Variants in KIF1B observed in about 807,000 individuals in gnomAD.
The protein encoded by KIF1B is kinesin-like protein KIF1B.
Under a neutral mutation model 241.9 loss-of-function variants are expected in KIF1B, and 76 were observed. The observed-to-expected ratio is 0.31, with a 90% CI of 0.26 to 0.38. The LOEUF (loss-of-function observed/expected upper bound fraction) is 0.38, where lower values mean the gene tolerates loss of function less well. Among genes scored for constraint, KIF1B ranks in the 10% least tolerant of loss-of-function variants. The pLI is 1.00. For synonymous variants in KIF1B, 750 were observed against 796.7 expected, an observed-to-expected ratio of 0.94 and a Z score of 0.99; for missense variants, 1,622 against 2,271.4, an observed-to-expected ratio of 0.71 and a Z score of 5.81.
intron 13 of KIF1B, among the ~76,000 whole-genome samples, 200 bp downstream of exon 13, chr1:10,278,328 T>C (rs1649227647): frequency 6.6e-6 from 1 of 152,240 alleles, no homozygotes; most frequent in African/African-American, 2.4e-5. Context: ...ATGTAATGTG[T>C]ACCAGACTAT....
intron 1 of KIF1B, among the ~76,000 whole-genome samples, chr1:10,214,605 T>C (rs1411303802): frequency 5.9e-5 from 8 of 136,440 alleles, no homozygotes; most frequent in African/African-American, 2.0e-4. Context: ...TTTTTTGGGA[T>C]GGAGTCTTAC....
intron 41 of KIF1B, 103 bp from the exon 42 acceptor site, chr1:10,364,997 C>T (rs1223734927): frequency 1.4e-5 from 14 of 1,018,384 alleles, no homozygotes; most frequent in Non-Finnish European, 2.0e-5. Flanking sequence ...CAGAGCGAGA[C>T]TCCATCTCAA....
intron 2 of KIF1B, among the ~76,000 whole-genome samples, chr1:10,240,990 T>C (rs1194920516): frequency 6.6e-6 from 1 of 152,162 alleles, no homozygotes; most frequent in Non-Finnish European, 1.5e-5. Flanking sequence ...GGTTCTTCAT[T>C]TATTGAGTGG....
intron 31 of KIF1B, among the ~76,000 whole-genome samples, chr1:10,338,377 A>G (rs1272504151): frequency 6.6e-6 from 1 of 152,216 alleles, no homozygotes; most frequent in East Asian, 1.9e-4. Flanking sequence ...ATTAAATGTG[A>G]TCACTATATA....
intron 1 of KIF1B, among the ~76,000 whole-genome samples, chr1:10,217,607 G>A (rs759025976): frequency 1.5e-4 from 23 of 151,838 alleles, no homozygotes; most frequent in Non-Finnish European, 2.5e-4. Context: ...GTGAGCCACC[G>A]CACCCAGCTG....
At chr1:10,228,369 A>G (rs1646937089) in intron 1 of KIF1B, among the ~76,000 whole-genome samples, 1 of 152,194 alleles carries the variant, frequency 6.6e-6, no homozygotes, top group South Asian at 2.1e-4. Flanking sequence ...TTTTTAAAAA[A>G]AAAAGTATCG....
rs1414615782 is a variant in KIF1B at position 10,374,223 on chromosome 1, A to G, written c.4947-93A>G. The G allele has an allele frequency of 6.6e-6, 9 of 1,357,840 alleles. No homozygotes were observed. Among genetic ancestry groups the G allele is most frequent in the Non-Finnish European group, 9.5e-6 (9 of 948,394 alleles). 84.1% of individuals were successfully genotyped at this position (1,357,840 alleles called of 1,614,324 possible). A position where few individuals can be genotyped will look rare whatever the true frequency, so the allele number is the denominator to read the frequency against. On this transcript the variant is annotated intron_variant, in intron 45 of 48. Coordinates refer to ENST00000676179, the MANE Select transcript of KIF1B (RefSeq NM_001365951.3). The surrounding 1 kb of genome is among the most constrained non-coding windows in gnomAD (Gnocchi z 4.3). Reference sequence around the variant, plus strand: ...TTGCAGCTGGGGTTTAGGGAGGGCCATTGTGTTCCTCCCAGTGAAACAGTA... The same window carrying G: ...TTGCAGCTGGGGTTTAGGGAGGGCCGTTGTGTTCCTCCCAGTGAAACAGTA...
chr1:10,304,105 C>A (rs1209923920), intron 22 of KIF1B: 1 of 1,614,086 alleles, frequency 6.2e-7, no homozygotes, highest in African/African-American at 1.3e-5. Context: ...CTCTTGGAGT[C>A]CTGGGACACA....
At chr1:10,271,165 A>G (rs754030649) in intron 7 of KIF1B, among the ~76,000 whole-genome samples, 1 of 150,610 alleles carries the variant, frequency 6.6e-6, no homozygotes, top group Non-Finnish European at 1.5e-5. Flanking sequence ...AATTTTGTGC[A>G]TGCTCTTTTT....
chr1:10,212,909 T>C (rs1385557374), intron 1 of KIF1B, among the ~76,000 whole-genome samples: 8 of 120,272 alleles, frequency 6.7e-5, no homozygotes, highest in Non-Finnish European at 1.0e-4. Context: ...TATATATATA[T>C]ATATATATAT....
intron 36 of KIF1B, 58 bp downstream of exon 36, chr1:10,347,885 A>G: frequency 1.5e-6 from 2 of 1,366,110 alleles, no homozygotes; most frequent in East Asian, 4.6e-5. Flanking sequence ...ATTTAGAATA[A>G]GAGACGGAAT....
chr1:10,320,237 G>T (rs1398028135), intron 23 of KIF1B, 101 bp downstream of exon 23: 4 of 765,674 alleles, frequency 5.2e-6, no homozygotes, highest in Non-Finnish European at 9.0e-6. Context: ...CTCTTAGTTG[G>T]CCCTATCATT....
chr1:10,256,992 G>T (rs1237477444), intron 3 of KIF1B, among the ~76,000 whole-genome samples: 1 of 152,064 alleles, frequency 6.6e-6, no homozygotes, highest in African/African-American at 2.4e-5. Context: ...GATTACAGGT[G>T]TGAGCCACTG....
intron 2 of KIF1B, among the ~76,000 whole-genome samples, chr1:10,244,460 A>G (rs758980167): frequency 2.6e-5 from 4 of 151,120 alleles, no homozygotes; most frequent in Non-Finnish European, 5.9e-5. Flanking sequence ...GCTTACAGGC[A>G]TGCACTACTA....
intron 22 of KIF1B, chr1:10,308,075 C>G (rs775548876): frequency 8.5e-6 from 9 of 1,059,866 alleles, no homozygotes; most frequent in Non-Finnish European, 1.0e-5. Context: ...GCATTAAAGG[C>G]TGTTTTACTA....
At chr1:10,357,990 C>A (rs1036636612) in intron 38 of KIF1B, among the ~76,000 whole-genome samples, 2 of 150,532 alleles carry the variant, frequency 1.3e-5, no homozygotes, top group African/African-American at 4.9e-5. Flanking sequence ...GCCTGGGTGA[C>A]AAGAGTGAGA....
chr1:10,370,954 C>T (rs1249631365), intron 44 of KIF1B, among the ~76,000 whole-genome samples, 187 bp from the exon 45 acceptor site: 1 of 152,056 alleles, frequency 6.6e-6, no homozygotes, highest in Non-Finnish European at 1.5e-5. Context: ...TAGAGCAAGG[C>T]CTTGTCTCTT....
intron 22 of KIF1B, among the ~76,000 whole-genome samples, chr1:10,315,372 C>T (rs1331783224): frequency 1.3e-5 from 2 of 150,718 alleles, no homozygotes; most frequent in East Asian, 3.9e-4. Flanking sequence ...GATGGGGTTT[C>T]ACCATGTTGG....
chr1:10,315,849 A>T (rs190219707), intron 22 of KIF1B, among the ~76,000 whole-genome samples: 3 of 151,338 alleles, frequency 2.0e-5, no homozygotes, highest in African/African-American at 7.4e-5. Flanking sequence ...TGAGGTCAGG[A>T]GTTCAAGACC....
Sources: gnomAD v4.1 joint callset for allele counts (sites outside exome capture counted in the v4.1 genomes callset) on GRCh38, gnomAD v4.1.1 for gene constraint, Gnocchi (gnomAD v3.1) non-coding constraint, MANE v1.5 for transcripts, NCBI Gene and HGNC (gene_info 2026-07-23, HGNC 2026-07-21) for gene names.